Variants in PRKG1 observed in about 807,000 individuals in gnomAD.
The protein encoded by PRKG1 is protein kinase cGMP-dependent 1.
A neutral mutation model predicts 88.1 loss-of-function variants in PRKG1; 35 were observed. That is an observed-to-expected ratio of 0.40 (90% CI 0.30 to 0.53). The LOEUF (loss-of-function observed/expected upper bound fraction) is 0.53. Among genes scored for constraint, PRKG1 ranks in the 20% least tolerant of loss-of-function variants. The pLI is 0.59. For synonymous variants in PRKG1, 303 were observed against 292.5 expected, an observed-to-expected ratio of 1.04 and a Z score of -0.37; for missense variants, 540 against 839.8, an observed-to-expected ratio of 0.64 and a Z score of 4.41.
At chr10:51,781,115 G>C (rs916940765) in intron 3 of PRKG1, among the ~76,000 whole-genome samples, 1 of 152,036 alleles carries the variant, frequency 6.6e-6, no homozygotes, top group East Asian at 1.9e-4. Flanking sequence ...GAGAATAATT[G>C]TTGCTAAAAC....
chr10:51,021,207 G>T (rs1170009177), intron 1 of PRKG1, among the ~76,000 whole-genome samples: 2 of 152,136 alleles, frequency 1.3e-5, no homozygotes, highest in Admixed American at 1.3e-4. Flanking sequence ...GATTAATTTT[G>T]ATATAGAAGA....
intron 2 of PRKG1, among the ~76,000 whole-genome samples, chr10:51,455,248 G>A (rs1199436591): frequency 1.3e-5 from 2 of 152,204 alleles, no homozygotes; most frequent in Non-Finnish European, 2.9e-5. Context: ...CATAGCAGAG[G>A]GTCCTTGGGC....
chr10:51,758,189 G>A (rs925773231), intron 3 of PRKG1, among the ~76,000 whole-genome samples: 1 of 152,070 alleles, frequency 6.6e-6, no homozygotes, highest in Non-Finnish European at 1.5e-5. Flanking sequence ...GTCCGTGTAC[G>A]TACAGTCTAT....
At chr10:52,134,517 A>G (rs1007618394) in intron 8 of PRKG1, among the ~76,000 whole-genome samples, 1 of 152,156 alleles carries the variant, frequency 6.6e-6, no homozygotes, top group African/African-American at 2.4e-5. Context: ...TTATAAGTTA[A>G]GCTGCAAATG....
intron 9 of PRKG1, among the ~76,000 whole-genome samples, chr10:52,172,877 C>T (rs1299409535): frequency 1.3e-5 from 2 of 152,192 alleles, no homozygotes; most frequent in Non-Finnish European, 2.9e-5. Flanking sequence ...TGCACAGCCA[C>T]TAACTTCATG....
intron 2 of PRKG1, among the ~76,000 whole-genome samples, chr10:51,394,503 A>T (rs1055302970): frequency 9.2e-5 from 14 of 152,238 alleles, no homozygotes; most frequent in African/African-American, 3.4e-4. Flanking sequence ...AGCAAGCAAC[A>T]GGAAAAACCT....
intron 2 of PRKG1, among the ~76,000 whole-genome samples, chr10:51,157,855 T>G (rs1408135697): frequency 1.3e-5 from 2 of 151,936 alleles, no homozygotes; most frequent in African/African-American, 4.8e-5. Flanking sequence ...TTTTATTTAA[T>G]TTAAATTAAC....
intron 7 of PRKG1, among the ~76,000 whole-genome samples, chr10:52,114,827 G>T (rs1430175883): frequency 6.6e-6 from 1 of 152,038 alleles, no homozygotes; most frequent in Non-Finnish European, 1.5e-5. Flanking sequence ...ATAGTAATGG[G>T]AATACATGGT....
intron 5 of PRKG1, among the ~76,000 whole-genome samples, chr10:52,023,122 T>C (rs1845230706): frequency 6.6e-6 from 1 of 152,130 alleles, no homozygotes; most frequent in South Asian, 2.1e-4. Flanking sequence ...TGTGTCCAAG[T>C]GTTCTCATTG....
intron 3 of PRKG1, among the ~76,000 whole-genome samples, chr10:51,801,864 G>A (rs1839183181): frequency 6.6e-6 from 1 of 152,218 alleles, no homozygotes; most frequent in African/African-American, 2.4e-5. Flanking sequence ...CTTAACCTGA[G>A]AAAATGATAT....
intron 2 of PRKG1, among the ~76,000 whole-genome samples, chr10:51,282,056 A>C (rs1281210595): frequency 6.6e-6 from 1 of 152,216 alleles, no homozygotes; most frequent in Non-Finnish European, 1.5e-5. Context: ...CAGAGTGTAA[A>C]GTGATGCAAT....
At chr10:52,067,929 G>A (rs570372422) in intron 7 of PRKG1, among the ~76,000 whole-genome samples, 1 of 105,082 alleles carries the variant, frequency 9.5e-6, no homozygotes, top group East Asian at 2.5e-4. Context: ...TTGAGGCCGG[G>A]CGCAGTGGCT....
At chr10:51,828,452 G>A (rs1326480785) in intron 4 of PRKG1, among the ~76,000 whole-genome samples, 1 of 152,080 alleles carries the variant, frequency 6.6e-6, no homozygotes, top group Non-Finnish European at 1.5e-5. Context: ...AGTTGTGTTA[G>A]GAAATTACTT....
At chr10:52,195,900 A>T (rs1839491794) in intron 9 of PRKG1, among the ~76,000 whole-genome samples, 1 of 152,246 alleles carries the variant, frequency 6.6e-6, no homozygotes. Flanking sequence ...TAGTCAGGAA[A>T]AAGTCTAACC....
At chr10:51,665,993 G>T (rs1371201011) in intron 3 of PRKG1, among the ~76,000 whole-genome samples, 1 of 152,018 alleles carries the variant, frequency 6.6e-6, no homozygotes. Flanking sequence ...GGGAAACTGT[G>T]ATTTTAGCAA....
intron 4 of PRKG1, among the ~76,000 whole-genome samples, chr10:51,896,090 A>G (rs767046149): frequency 6.6e-6 from 1 of 152,182 alleles, no homozygotes; most frequent in Non-Finnish European, 1.5e-5. Flanking sequence ...GTGATTTAAT[A>G]TCTTCCTGAA....
At chr10:51,133,114 C>A (rs1010009352) in intron 1 of PRKG1, among the ~76,000 whole-genome samples, 2 of 152,060 alleles carry the variant, frequency 1.3e-5, no homozygotes, top group African/African-American at 4.8e-5. Context: ...TATGGATAAT[C>A]CTTTCCTAAG....
At chr10:52,126,403 T>G (rs1477958810) in intron 7 of PRKG1, among the ~76,000 whole-genome samples, 2 of 152,202 alleles carry the variant, frequency 1.3e-5, no homozygotes, top group East Asian at 3.8e-4. Context: ...ATAAAGGGTT[T>G]GTAAGGCTAT....
chr10:51,124,798 T>C (rs1485908146), intron 1 of PRKG1, among the ~76,000 whole-genome samples: 1 of 152,180 alleles, frequency 6.6e-6, no homozygotes, highest in Non-Finnish European at 1.5e-5. Context: ...GTTAATTTGC[T>C]CTTTAGTTAC....
Sources: allele counts gnomAD v4.1 joint callset (sites outside exome capture counted in the v4.1 genomes callset), GRCh38; gene constraint gnomAD v4.1.1; transcripts MANE v1.5; gene names NCBI Gene and HGNC (gene_info 2026-07-23, HGNC 2026-07-21).